Variants in KIAA1671 observed in about 807,000 individuals in gnomAD.
KIAA1671 encodes the protein uncharacterized protein KIAA1671.
Under a neutral mutation model 131.2 loss-of-function variants are expected in KIAA1671, and 52 were observed. The ratio of observed to expected loss-of-function variants is 0.40; its 90% CI spans 0.32 to 0.50. The LOEUF (loss-of-function observed/expected upper bound fraction) is 0.50. Ranked by LOEUF, KIAA1671 falls within the 20% of genes least tolerant of loss-of-function variation. KIAA1671 has a pLI of 0.73. For missense variants in KIAA1671, 2,360 were observed against 2,364.2 expected, an observed-to-expected ratio of 1.00 and a Z score of 0.04; for synonymous variants, 1,003 against 961.6, an observed-to-expected ratio of 1.04 and a Z score of -0.80.
chr22:25,018,284 G>C (rs756828442), intron 1 of KIAA1671, among the ~76,000 whole-genome samples: 3 of 151,746 alleles, frequency 2.0e-5, no homozygotes, highest in African/African-American at 7.3e-5. Context: ...GCTTTTAATA[G>C]AGATTCGCCT....
rs1555946990 is a variant in KIAA1671 at position 24,960,166 on chromosome 22, TA to T, written c.-208+7398del. On this transcript the variant is annotated intron_variant, in intron 1 of 12. Coordinates refer to ENST00000358431, the MANE Select transcript of KIAA1671 (RefSeq NM_001145206.2). Reference sequence around the variant, plus strand: ...ATAAATAAATAAATAAATAAATAAATAAAATAAAACAAATAATTTCACACGT... The same window carrying T: ...ATAAATAAATAAATAAATAAATAAATAAATAAAACAAATAATTTCACACGT... 3.0e-3 allele frequency among the ~76,000 whole-genome samples: 426 copies of T among 144,102 alleles called. 2 individuals carry two copies. The highest frequency in any genetic ancestry group is 6.4e-3 in the Admixed American group (93 of 14,558). 94.5% of individuals were successfully genotyped at this position (144,102 alleles called of 152,430 possible).
At chr22:25,171,559 A>G (rs1057117261) in intron 7 of KIAA1671, among the ~76,000 whole-genome samples, 4 of 151,300 alleles carry the variant, frequency 2.6e-5, no homozygotes, top group Non-Finnish European at 5.9e-5. Context: ...TAAAAACGCA[A>G]AAAAAATTAG....
intron 6 of KIAA1671, among the ~76,000 whole-genome samples, chr22:25,109,175 T>A (rs529183879): frequency 4.6e-5 from 7 of 152,046 alleles, no homozygotes; most frequent in Non-Finnish European, 7.4e-5. Context: ...AGTGGTGTGA[T>A]CTCAGCTCAC....
In KIAA1671 at chr22:25,174,513, T is replaced by C. The variant is rs538758347; in HGVS notation, c.4899+24T>C. On this transcript the variant is annotated intron_variant, in intron 8 of 12. Coordinates refer to ENST00000358431, the MANE Select transcript of KIAA1671 (RefSeq NM_001145206.2). ...ATGTAAGTCAGTGGCCAGGAGCATT[T>C]CTTCTTAAATGGAAATTCCAGCCTC... 6.9e-5 allele frequency: 102 copies of C among 1,483,082 alleles called. No homozygotes were observed. In the African/African-American group the frequency reaches 1.3e-3, roughly 19 times the overall value. 91.9% of individuals were successfully genotyped at this position (1,483,082 alleles called of 1,614,324 possible).
chr22:25,004,155 G>T (rs939165312), intron 1 of KIAA1671, among the ~76,000 whole-genome samples: 2 of 148,852 alleles, frequency 1.3e-5, no homozygotes, highest in Non-Finnish European at 3.0e-5. Context: ...TTACTCTGTT[G>T]TTCAAGGTGT....
chr22:25,177,225 C>T lies in KIAA1671; in HGVS notation c.4900-123C>T, dbSNP rs1030479095. 2.2e-6 allele frequency: 2 copies of T among 912,826 alleles called. 1 individual carries two copies. Among genetic ancestry groups the T allele is most frequent in the South Asian group, 3.6e-5 (2 of 55,396 alleles). The allele number at this position is 912,826 out of a possible 1,614,324, so 56.5% of individuals were successfully genotyped here. On this transcript the variant is annotated intron_variant, in intron 8 of 12. Transcript: ENST00000358431. ...TACTATTAAAATGTGGAAGCCCTGG[C>T]CTAGGTACCACCTAAATAGCCTCTC...
rs537915653 is a variant in KIAA1671 at position 25,184,994 on chromosome 22, G to A, written c.5217G>A (p.Arg1739=). The part of the protein sequence containing the change: ...PAVLKAQLHK[R]PEVDSPGETP... ...CTCCCCAGGCTCAGCTGCACAAGAG[G>A]CCAGAGGTGGACAGTCCTGGCGAGA... Residue 1739 remains arginine, a synonymous_variant, in exon 11 of 13, where the codon AGG becomes AGA. Coordinates refer to ENST00000358431, the MANE Select transcript of KIAA1671 (RefSeq NM_001145206.2). 6.0e-5 allele frequency: 93 copies of A among 1,551,564 alleles called. 1 individual carries two copies. The African/African-American group carries it at 6.4e-4, about 11-fold the overall frequency.
intron 1 of KIAA1671, among the ~76,000 whole-genome samples, chr22:25,017,331 C>T (rs1261127525): frequency 2.6e-5 from 4 of 152,086 alleles, no homozygotes; most frequent in African/African-American, 9.7e-5. Context: ...TGCAGTGAGC[C>T]GAGATTGCGC....
intron 7 of KIAA1671, among the ~76,000 whole-genome samples, chr22:25,171,851 C>T (rs1324568575): frequency 1.3e-5 from 2 of 151,952 alleles, no homozygotes; most frequent in Non-Finnish European, 2.9e-5. Flanking sequence ...TATCTGGTTT[C>T]CTTTTGGGGT....
At chr22:25,042,287 G>A (rs761257420) in intron 5 of KIAA1671, among the ~76,000 whole-genome samples, 1 of 152,092 alleles carries the variant, frequency 6.6e-6, no homozygotes, top group African/African-American at 2.4e-5. Context: ...TAGCTTTATT[G>A]TGCTCCTGCT....
chr22:25,068,675 A>T (rs1459218105), intron 6 of KIAA1671, among the ~76,000 whole-genome samples: 1 of 152,120 alleles, frequency 6.6e-6, no homozygotes, highest in Admixed American at 6.5e-5. Flanking sequence ...TGACCTCATG[A>T]TCTGCCCACC....
intron 1 of KIAA1671, among the ~76,000 whole-genome samples, chr22:24,994,950 C>A (rs1001303054): frequency 6.6e-5 from 10 of 151,984 alleles, no homozygotes; most frequent in African/African-American, 2.4e-4. Context: ...AGGCCTGTTC[C>A]TCCTCCTGCT....
intron 5 of KIAA1671, among the ~76,000 whole-genome samples, chr22:25,047,169 G>A (rs1246392114): frequency 3.4e-5 from 3 of 88,892 alleles, no homozygotes; most frequent in South Asian, 7.2e-4. Context: ...TTTTTTTTTT[G>A]AGACAGAGTC....
intron 4 of KIAA1671, among the ~76,000 whole-genome samples, chr22:25,037,720 T>C (rs1020824565): frequency 6.6e-6 from 1 of 152,186 alleles, no homozygotes; most frequent in African/African-American, 2.4e-5. Flanking sequence ...TATATATTTA[T>C]ATTTATATAT....
Position 25,040,455 on chromosome 22 carries a change from C to G in KIAA1671, c.3325C>G (p.Pro1109Ala). 6.4e-7 allele frequency: 1 copy of G among 1,552,034 alleles called. No homozygotes were observed. ...ILKTLKPTDR[P>A]SSLGAWSLDP... ...AAAAACTCTGAAGCCAACAGACCGT[C>G]CATCATCTCTTGGGGCCTGGAGTCT... The change falls in exon 5 of 13, where the codon CCA (proline) becomes GCA (alanine). Residue 1109 changes from proline to alanine, a missense_variant. Around this residue, in one of 3 missense-constraint regions of KIAA1671, gnomAD observed 1,161 missense variants for 1,204.7 expected, o/e 0.96. Transcript: ENST00000358431.
intron 6 of KIAA1671, among the ~76,000 whole-genome samples, chr22:25,065,656 T>A (rs540883961): frequency 6.3e-4 from 95 of 151,686 alleles, no homozygotes; most frequent in African/African-American, 1.6e-3. Flanking sequence ...TATTTTTTTT[T>A]TTTTGAGACA....
rs1385725510 is a variant in KIAA1671 at position 25,040,865 on chromosome 22, G to A, written c.3735G>A (p.Gln1245=). 10 of 1,544,102 alleles carry A rather than the reference G, an allele frequency of 6.5e-6. No homozygotes were observed. Among genetic ancestry groups the A allele is most frequent in the Non-Finnish European group, 8.7e-6 (10 of 1,142,912 alleles). Residue 1245 remains glutamine (Q), a synonymous_variant, in exon 5 of 13, where the codon CAG becomes CAA. Transcript: ENST00000358431. ...ERPVQLGGVE[Q]RRRSLKEMPD... is the part of the protein sequence containing the mutation. ...CTGTTCAGCTGGGCGGGGTGGAGCAGAGAAGGAGGAGCCTGAAGGAGATGC... is the reference window on the plus strand; with the variant it reads ...CTGTTCAGCTGGGCGGGGTGGAGCAAAGAAGGAGGAGCCTGAAGGAGATGC...
chr22:25,174,524 G>A, intron 8 of KIAA1671, 35 bp downstream of exon 8: 1 of 1,475,470 alleles, frequency 6.8e-7, no homozygotes, highest in South Asian at 1.4e-5. Context: ...CTTCTTAAAT[G>A]GAAATTCCAG....
chr22:25,179,379 C>G, intron 9 of KIAA1671: 4 of 1,606,536 alleles, frequency 2.5e-6, no homozygotes, highest in Non-Finnish European at 3.4e-6. Flanking sequence ...CTCGCGCAGC[C>G]GCTCGCGCAG....
Sources: allele counts gnomAD v4.1 joint callset (sites outside exome capture counted in the v4.1 genomes callset), GRCh38; gene constraint gnomAD v4.1.1; regional missense constraint gnomAD v4.1.1; transcripts MANE v1.5; gene names NCBI Gene and HGNC (gene_info 2026-07-23, HGNC 2026-07-21).